CTXND2: variants seen among roughly 807,000 people sequenced by gnomAD.
CTXND2 encodes the protein cortexin domain containing 2.
At chr1:150,909,655 T>C (rs1304100103) in intron 1 of CTXND2, among the ~76,000 whole-genome samples, 1 of 152,194 alleles carries the variant, frequency 6.6e-6, no homozygotes, top group African/African-American at 2.4e-5. Context: ...TTTAGGTCTT[T>C]GATCCATTTT....
At chr1:150,898,793 G>A (rs1486020622) in intron 1 of CTXND2, among the ~76,000 whole-genome samples, 1 of 148,202 alleles carries the variant, frequency 6.7e-6, no homozygotes, top group Non-Finnish European at 1.5e-5. Flanking sequence ...GGCAGGGCGG[G>A]GGGCCCGGGC....
chr1:150,895,621 A>G (rs913666836), intron 1 of CTXND2, among the ~76,000 whole-genome samples: 1 of 152,192 alleles, frequency 6.6e-6, no homozygotes, highest in Admixed American at 6.6e-5. Flanking sequence ...TGGGATGATT[A>G]CAGGCGTGAG....
chr1:150,891,270 A>G (rs587609309), intron 1 of CTXND2, among the ~76,000 whole-genome samples: 1 of 150,754 alleles, frequency 6.6e-6, no homozygotes, highest in Admixed American at 6.6e-5. Context: ...GCTGGAGTGC[A>G]GTGGCAGATC....
At chr1:150,909,237 CAAAAAA>C (rs374506106) in intron 1 of CTXND2, among the ~76,000 whole-genome samples, 1 of 82,070 alleles carries the variant, frequency 1.2e-5, no homozygotes, top group Non-Finnish European at 2.3e-5. Flanking sequence ...GACTCCTTCT[CAAAAAA>C]AAAAAAAAAA....
intron 1 of CTXND2, among the ~76,000 whole-genome samples, chr1:150,899,288 A>T (rs778893880): frequency 4.6e-5 from 7 of 151,946 alleles, no homozygotes; most frequent in Non-Finnish European, 8.8e-5. Context: ...TTTTTTAAAA[A>T]TTTTAGCCAG....
intron 1 of CTXND2, among the ~76,000 whole-genome samples, chr1:150,895,275 T>C (rs1668901809): frequency 6.6e-6 from 1 of 152,046 alleles, no homozygotes; most frequent in Admixed American, 6.6e-5. Context: ...GAATGGATGT[T>C]TGTCATTTTT....
intron 1 of CTXND2, among the ~76,000 whole-genome samples, chr1:150,900,537 C>T (rs917024120): frequency 3.9e-5 from 6 of 152,128 alleles, no homozygotes; most frequent in Non-Finnish European, 7.4e-5. Flanking sequence ...GTAATCCCAG[C>T]TATTTGGGAA....
At chr1:150,890,042 T>A (rs1008080046) in intron 1 of CTXND2, among the ~76,000 whole-genome samples, 2 of 152,090 alleles carry the variant, frequency 1.3e-5, no homozygotes, top group Admixed American at 1.3e-4. Flanking sequence ...CAAGGTTCAG[T>A]ATGGTCCTGT....
chr1:150,894,111 T>C (rs1668886157), intron 1 of CTXND2, among the ~76,000 whole-genome samples: 1 of 152,170 alleles, frequency 6.6e-6, no homozygotes, highest in Non-Finnish European at 1.5e-5. Context: ...CTGTAATCAT[T>C]GAGGTAATTT....
chr1:150,907,218 A>G (rs1260425528), intron 1 of CTXND2, among the ~76,000 whole-genome samples: 1 of 152,204 alleles, frequency 6.6e-6, no homozygotes, highest in Non-Finnish European at 1.5e-5. Flanking sequence ...ACCATTTCAA[A>G]TGTACAATTG....
intron 1 of CTXND2, among the ~76,000 whole-genome samples, chr1:150,910,658 GTC>G (rs938903568): frequency 6.9e-6 from 1 of 144,368 alleles, no homozygotes; most frequent in African/African-American, 2.6e-5. Flanking sequence ...TTGAGACAGA[GTC>G]TCACTCTGTC....
At chr1:150,900,753 G>C (rs896013659) in intron 1 of CTXND2, among the ~76,000 whole-genome samples, 1 of 152,062 alleles carries the variant, frequency 6.6e-6, no homozygotes, top group Non-Finnish European at 1.5e-5. Flanking sequence ...TTTAAAAATC[G>C]AGGGGAGAAG....
chr1:150,896,501 T>C (rs1668915269), intron 1 of CTXND2, among the ~76,000 whole-genome samples: 1 of 151,982 alleles, frequency 6.6e-6, no homozygotes, highest in African/African-American at 2.4e-5. Context: ...ATTCTACTTC[T>C]CTTCTTTCTT....
At chr1:150,895,674 T>C (rs1668907213) in intron 1 of CTXND2, among the ~76,000 whole-genome samples, 1 of 152,190 alleles carries the variant, frequency 6.6e-6, no homozygotes, top group Admixed American at 6.5e-5. Flanking sequence ...CACATGAATC[T>C]GTCAGAAACA....
At chr1:150,907,432 G>A (rs587674847) in intron 1 of CTXND2, among the ~76,000 whole-genome samples, 17 of 152,104 alleles carry the variant, frequency 1.1e-4, no homozygotes, top group East Asian at 3.9e-4. Context: ...TGCTGGGGGC[G>A]TTTGTGACTT....
rs1001248075 is a variant in CTXND2 at position 150,889,261 on chromosome 1, G to A, written c.-74+1948G>A. On this transcript the variant is annotated intron_variant, in intron 1 of 1. Coordinates refer to ENST00000636087, the Ensembl canonical transcript of CTXND2. Reference sequence around the variant, plus strand: ...CGTCTCTACAAAAACTTAGCCGGGCGTGGCAGCGGGCACCTGTAGTCCCAG... The same window carrying A: ...CGTCTCTACAAAAACTTAGCCGGGCATGGCAGCGGGCACCTGTAGTCCCAG... Among the ~76,000 whole-genome samples the A allele has an allele frequency of 1.4e-4, 21 of 151,878 alleles. 2 individuals carry two copies. Among genetic ancestry groups the A allele is most frequent in the Admixed American group, 5.9e-4 (9 of 15,224 alleles).
chr1:150,900,003 A>T (rs1437049579), intron 1 of CTXND2, among the ~76,000 whole-genome samples: 1 of 152,152 alleles, frequency 6.6e-6, no homozygotes, highest in Non-Finnish European at 1.5e-5. Flanking sequence ...TGGACCAATC[A>T]GTGCTCTGTA....
chr1:150,908,960 C>T (rs927887761), intron 1 of CTXND2, among the ~76,000 whole-genome samples: 2 of 150,648 alleles, frequency 1.3e-5, no homozygotes, highest in African/African-American at 2.4e-5. Flanking sequence ...CAAAAGTTGG[C>T]TGGGCGCAGT....
chr1:150,901,231 T>G (rs972884383), intron 1 of CTXND2, among the ~76,000 whole-genome samples: 2 of 152,172 alleles, frequency 1.3e-5, no homozygotes. Flanking sequence ...AAAACATTGT[T>G]GAAAGAAATT....
Sources: gnomAD v4.1 joint callset for allele counts (sites outside exome capture counted in the v4.1 genomes callset) on GRCh38, gnomAD v4.1.1 for gene constraint, MANE v1.5 for transcripts, NCBI Gene and HGNC (gene_info 2026-07-23, HGNC 2026-07-21) for gene names.